Variants in PLEKHA7 observed in about 807,000 individuals in gnomAD.
The protein encoded by PLEKHA7 is pleckstrin homology domain-containing family A member 7.
A neutral mutation model predicts 170.0 loss-of-function variants in PLEKHA7; 104 were observed. That is an observed-to-expected ratio of 0.61 (90% CI 0.52 to 0.72). The LOEUF is 0.72. Ranked by LOEUF, PLEKHA7 falls within the 30% of genes least tolerant of loss-of-function variation. PLEKHA7 has a pLI of 0.00. For synonymous variants in PLEKHA7, 648 were observed against 660.8 expected (o/e 0.98, Z 0.30); for missense variants, 1,615 against 1,671.7 (o/e 0.97, Z 0.59).
intron 4 of PLEKHA7, among the ~76,000 whole-genome samples, chr11:16,864,935 A>G (rs404646): frequency 0.82 from 124,546 of 152,052 alleles, 51,774 homozygotes; most frequent in East Asian, 0.91. Flanking sequence ...GCCTTTGCCC[A>G]CCACATGATA....
At chr11:16,857,485 C>T (rs1054266691) in intron 4 of PLEKHA7, among the ~76,000 whole-genome samples, 1 of 152,254 alleles carries the variant, frequency 6.6e-6, no homozygotes, top group Non-Finnish European at 1.5e-5. Flanking sequence ...AAGATAACCG[C>T]TGATCAGGAG....
rs763514716 is a variant in PLEKHA7 at position 16,840,788 on chromosome 11, T to C, written c.872+759A>G. On this transcript the variant is annotated intron_variant, in intron 9 of 26. Coordinates refer to ENST00000531066, the MANE Select transcript of PLEKHA7 (RefSeq NM_001329630.2). ...AGGTCTGTACACTGCATGAAAGAGA[T>C]CATAAAGCTAGGAAGTACCACGAAT... 4.3e-4 allele frequency among the ~76,000 whole-genome samples: 65 copies of C among 152,086 alleles called. 1 individual carries two copies. The highest frequency in any genetic ancestry group is 5.9e-4 in the Admixed American group (9 of 15,272).
intron 3 of PLEKHA7, among the ~76,000 whole-genome samples, chr11:16,967,105 T>C (rs1371488948): frequency 2.0e-5 from 3 of 152,228 alleles, no homozygotes; most frequent in African/African-American, 7.2e-5. Context: ...GCAGAAAGCA[T>C]TCTAAGACAC....
At chr11:16,946,688 C>T in intron 3 of PLEKHA7, among the ~76,000 whole-genome samples, 1 of 152,084 alleles carries the variant, frequency 6.6e-6, no homozygotes, top group East Asian at 1.9e-4. Flanking sequence ...AGTGAAATTT[C>T]TGTAGAAAAC....
At chr11:16,847,440 G>C (rs1852531677) in intron 8 of PLEKHA7, among the ~76,000 whole-genome samples, 1 of 152,110 alleles carries the variant, frequency 6.6e-6, no homozygotes, top group East Asian at 1.9e-4. Flanking sequence ...AAATGTCCTG[G>C]GGCCTTAGGC....
At chr11:16,888,384 C>A (rs933122612) in intron 3 of PLEKHA7, among the ~76,000 whole-genome samples, 3 of 151,912 alleles carry the variant, frequency 2.0e-5, no homozygotes, top group African/African-American at 7.3e-5. Context: ...ATGACGATGG[C>A]GGTTTTGTTG....
intron 3 of PLEKHA7, among the ~76,000 whole-genome samples, chr11:16,907,673 C>T (rs1407193754): frequency 7.1e-3 from 765 of 108,074 alleles, no homozygotes; most frequent in Middle Eastern, 0.02. Flanking sequence ...CCAGCCGCCC[C>T]GTCCGGGAGG....
intron 9 of PLEKHA7, among the ~76,000 whole-genome samples, chr11:16,830,113 G>T (rs1850993924): frequency 1.3e-5 from 2 of 151,886 alleles, no homozygotes; most frequent in Admixed American, 6.6e-5. Context: ...TGTGTAACTG[G>T]TACCACAGGC....
At chr11:17,005,100 T>C (rs1864903535) in intron 3 of PLEKHA7, among the ~76,000 whole-genome samples, 1 of 136,204 alleles carries the variant, frequency 7.3e-6, no homozygotes, top group Non-Finnish European at 1.6e-5. Context: ...CCTACAGCCC[T>C]CTGTCACCTC....
At chr11:16,889,092 A>C (rs1003338155) in intron 3 of PLEKHA7, among the ~76,000 whole-genome samples, 2 of 151,868 alleles carry the variant, frequency 1.3e-5, no homozygotes, top group African/African-American at 4.8e-5. Context: ...CAAAAGAAGT[A>C]AAACAGCCAG....
intron 13 of PLEKHA7, among the ~76,000 whole-genome samples, chr11:16,810,734 A>C (rs1009017611): frequency 6.6e-6 from 1 of 152,210 alleles, no homozygotes; most frequent in Admixed American, 6.5e-5. Context: ...ATTTCTTGGC[A>C]TAACAATCCA....
At chr11:16,975,239 A>G (rs1862987084) in intron 3 of PLEKHA7, among the ~76,000 whole-genome samples, 1 of 152,224 alleles carries the variant, frequency 6.6e-6, no homozygotes, top group African/African-American at 2.4e-5. Flanking sequence ...TTTTTTATCA[A>G]TGAAATAATA....
chr11:16,888,551 CCGTG>C (rs1319847505), intron 3 of PLEKHA7, among the ~76,000 whole-genome samples: 1 of 152,300 alleles, frequency 6.6e-6, no homozygotes, highest in African/African-American at 2.4e-5. Flanking sequence ...ACCCCCAACC[CCGTG>C]CTCTCTGAAA....
intron 9 of PLEKHA7, among the ~76,000 whole-genome samples, chr11:16,840,135 G>A (rs1008164782): frequency 2.0e-5 from 3 of 152,158 alleles, no homozygotes; most frequent in African/African-American, 7.2e-5. Flanking sequence ...AGGGCCCATG[G>A]GGAAGCTCCT....
intron 4 of PLEKHA7, among the ~76,000 whole-genome samples, chr11:16,870,299 C>G (rs1854724571): frequency 6.6e-6 from 1 of 152,016 alleles, no homozygotes; most frequent in Admixed American, 6.6e-5. Flanking sequence ...CTACCCCCAC[C>G]CCCACACACA....
chr11:16,779,073 G>A (rs555743199), intron 26 of PLEKHA7, 53 bp from the exon 27 acceptor site: 27 of 702,560 alleles, frequency 3.8e-5, no homozygotes, highest in Middle Eastern at 2.3e-4. Context: ...GAGCAGGCAC[G>A]TCTGCACACA....
In PLEKHA7 at chr11:16,945,434, T is replaced by C. The variant is rs369106280; in HGVS notation, c.221+68555A>G. ...CTCTCCTCTGTGATTTCACAACCCC[T>C]GTAATTGACTGTTGTCTGCCTTCCC... is the stretch of plus-strand genomic sequence containing the variant. On this transcript the variant is annotated intron_variant, in intron 3 of 26. Transcript: ENST00000531066. Among the ~76,000 whole-genome samples the C allele has an allele frequency of 2.9e-4, 44 of 152,318 alleles. 2 individuals are homozygous for C. The South Asian group carries it at 5.2e-3, about 18-fold the overall frequency.
At chr11:16,984,106 A>T (rs979678354) in intron 3 of PLEKHA7, among the ~76,000 whole-genome samples, 12 of 151,932 alleles carry the variant, frequency 7.9e-5, no homozygotes, top group African/African-American at 2.9e-4. Flanking sequence ...GAAGAACAAA[A>T]CTACCATTTA....
At chr11:16,950,374 T>C (rs925305616) in intron 3 of PLEKHA7, among the ~76,000 whole-genome samples, 2 of 152,122 alleles carry the variant, frequency 1.3e-5, no homozygotes, top group Non-Finnish European at 2.9e-5. Context: ...ATCCCAGTTC[T>C]TCCTGGTGCA....
Sources: allele counts gnomAD v4.1 joint callset (sites outside exome capture counted in the v4.1 genomes callset), GRCh38; gene constraint gnomAD v4.1.1; transcripts MANE v1.5; gene names NCBI Gene and HGNC (gene_info 2026-07-23, HGNC 2026-07-21).